The following SLIT3 variants were observed in gnomAD, a reference collection of about 807,000 sequenced individuals.
SLIT3 encodes the protein slit homolog 3 protein.
Under a neutral mutation model 184.0 loss-of-function variants are expected in SLIT3, and 68 were observed. The observed-to-expected ratio is 0.37, with a 90% CI of 0.30 to 0.45. The LOEUF (loss-of-function observed/expected upper bound fraction) is 0.45, where lower values mean the gene tolerates loss of function less well. Among genes scored for constraint, SLIT3 ranks in the 20% least tolerant of loss-of-function variants. SLIT3 has a pLI of 1.00. For synonymous variants in SLIT3, 831 were observed against 828.6 expected, an observed-to-expected ratio of 1.00 and a Z score of -0.05; for missense variants, 1,707 against 2,026.0, an observed-to-expected ratio of 0.84 and a Z score of 3.02.
intron 3 of SLIT3, among the ~76,000 whole-genome samples, chr5:169,216,493 C>T (rs1764438713): frequency 6.6e-6 from 1 of 152,202 alleles, no homozygotes; most frequent in South Asian, 2.1e-4. Flanking sequence ...ATGAGAAAGG[C>T]TCTGATAGAA....
At chr5:169,049,408 C>T (rs1318798821) in intron 4 of SLIT3, among the ~76,000 whole-genome samples, 3 of 152,072 alleles carry the variant, frequency 2.0e-5, no homozygotes, top group South Asian at 4.2e-4. Context: ...TACTGGAATT[C>T]GATGTTGCTT....
At chr5:168,806,639 G>A (rs753284153) in intron 8 of SLIT3, 52 bp from the exon 9 acceptor site, 1 of 1,605,614 alleles carries the variant, frequency 6.2e-7, no homozygotes, top group African/African-American at 1.3e-5. Context: ...GGAGCTGCCT[G>A]GGCTTCTGTG....
At chr5:168,774,581 T>C (rs1242463564) in intron 12 of SLIT3, among the ~76,000 whole-genome samples, 1 of 152,212 alleles carries the variant, frequency 6.6e-6, no homozygotes, top group Non-Finnish European at 1.5e-5. Context: ...CTGCACACAC[T>C]GTCACTACAG....
At chr5:168,693,610 G>T (rs1217883990) in intron 28 of SLIT3, among the ~76,000 whole-genome samples, 1 of 152,148 alleles carries the variant, frequency 6.6e-6, no homozygotes, top group Non-Finnish European at 1.5e-5. Flanking sequence ...GATGGAGAGT[G>T]ATCTAAGAGA....
chr5:168,758,440 T>C (rs936602696), intron 16 of SLIT3, among the ~76,000 whole-genome samples: 2 of 152,218 alleles, frequency 1.3e-5, no homozygotes, highest in African/African-American at 2.4e-5. Flanking sequence ...CCCACAGGCC[T>C]GTAAGTTTCT....
intron 4 of SLIT3, among the ~76,000 whole-genome samples, chr5:169,069,723 G>A (rs2113121289): frequency 6.6e-6 from 1 of 152,246 alleles, no homozygotes; most frequent in East Asian, 1.9e-4. Context: ...GAGGAAGTAG[G>A]GGAGGGAGAG....
chr5:169,110,773 G>A (rs1362317895), intron 4 of SLIT3, among the ~76,000 whole-genome samples: 1 of 152,064 alleles, frequency 6.6e-6, no homozygotes, highest in African/African-American at 2.4e-5. Context: ...TTCCTAACGG[G>A]TCTCCCATTT....
rs373567446 is a variant in SLIT3, at chr5:169,118,156, C to T, written c.413+75323G>A. ...TCACATTAATTCACTCTAGCCTAGG[C>T]GACAGAGTAAGACCTTGTCTCTAAA... On this transcript the variant is annotated intron_variant, in intron 4 of 35. Transcript: ENST00000519560. Among the ~76,000 whole-genome samples, 9 of 152,220 alleles carry T rather than the reference C, an allele frequency of 5.9e-5. No homozygotes were observed. In the South Asian group the frequency reaches 8.3e-4, roughly 14 times the overall value.
At chr5:169,002,072 G>A (rs1274061902) in intron 4 of SLIT3, among the ~76,000 whole-genome samples, 2 of 152,054 alleles carry the variant, frequency 1.3e-5, no homozygotes, top group African/African-American at 2.4e-5. Flanking sequence ...ACAGCACTTT[G>A]AGAGGCCGAG....
chr5:169,245,652 C>T (rs1262315014), intron 2 of SLIT3, among the ~76,000 whole-genome samples: 1 of 152,090 alleles, frequency 6.6e-6, no homozygotes, highest in Non-Finnish European at 1.5e-5. Context: ...AGTGGAGTTT[C>T]GGAAGGGCTA....
intron 4 of SLIT3, among the ~76,000 whole-genome samples, chr5:168,979,865 C>T (rs1391556428): frequency 6.6e-6 from 1 of 152,178 alleles, no homozygotes; most frequent in Non-Finnish European, 1.5e-5. Context: ...AGGTTTTCAA[C>T]CAAAACAGAT....
chr5:169,242,595 GAGAAGA>G (rs145013947), intron 3 of SLIT3, among the ~76,000 whole-genome samples: 3,568 of 152,304 alleles, frequency 0.023, 78 homozygotes, highest in South Asian at 0.13. Context: ...TAAAGTTGAG[GAGAAGA>G]AGAAGACTTT....
At chr5:168,927,741 A>G (rs563190777) in intron 4 of SLIT3, among the ~76,000 whole-genome samples, 1 of 152,340 alleles carries the variant, frequency 6.6e-6, no homozygotes, top group African/African-American at 2.4e-5. Flanking sequence ...TAGCTTGTCA[A>G]AACTCACAAT....
At position 169,219,635 on chromosome 5, in the gene SLIT3, C is replaced by T. The variant is rs535090229; in HGVS notation, c.341+25070G>A. ...GGAATGCAGCAAGGGGCTCACCCCA[C>T]GACCCACAGATGCATGACCCTGCCC... On this transcript the variant is annotated intron_variant, in intron 3 of 35. Transcript: ENST00000519560. Among the ~76,000 whole-genome samples the T allele has an allele frequency of 5.9e-5, 9 of 152,316 alleles. No individual in the cohort carries two copies. The East Asian group carries it at 1.2e-3, about 20-fold the overall frequency.
intron 6 of SLIT3, among the ~76,000 whole-genome samples, chr5:168,841,530 A>G (rs1471913770): frequency 6.6e-6 from 1 of 152,178 alleles, no homozygotes; most frequent in Non-Finnish European, 1.5e-5. Context: ...CCCATCGGGA[A>G]TGAGTCAAAA....
chr5:168,977,095 C>T (rs529637564), intron 4 of SLIT3, among the ~76,000 whole-genome samples: 2 of 152,050 alleles, frequency 1.3e-5, no homozygotes, highest in Non-Finnish European at 1.5e-5. Context: ...AGACAAGTGA[C>T]GATTAGAACC....
At chr5:169,097,401 A>G (rs189773056) in intron 4 of SLIT3, among the ~76,000 whole-genome samples, 2 of 152,258 alleles carry the variant, frequency 1.3e-5, no homozygotes, top group East Asian at 3.9e-4. Context: ...TGGGAGAGGA[A>G]GGAAGGAAAA....
At chr5:168,843,139 C>T (rs191156966) in intron 6 of SLIT3, among the ~76,000 whole-genome samples, 226 of 152,186 alleles carry the variant, frequency 1.5e-3, no homozygotes, top group African/African-American at 4.6e-3. Context: ...TTTTCTGGAC[C>T]GGGAATTCTC....
At chr5:169,005,140 A>T (rs1342116601) in intron 4 of SLIT3, among the ~76,000 whole-genome samples, 1 of 152,260 alleles carries the variant, frequency 6.6e-6, no homozygotes, top group Non-Finnish European at 1.5e-5. Context: ...TTTTTAAAAC[A>T]TAATGCTGTT....
Sources: gnomAD v4.1 joint callset for allele counts (sites outside exome capture counted in the v4.1 genomes callset) on GRCh38, gnomAD v4.1.1 for gene constraint, MANE v1.5 for transcripts, NCBI Gene and HGNC (gene_info 2026-07-23, HGNC 2026-07-21) for gene names.